The following UBE4B variants were observed in gnomAD, a reference collection of about 807,000 sequenced individuals.
UBE4B encodes ubiquitin conjugation factor E4 B.
UBE4B carries 27 observed loss-of-function variants against 148.1 expected under a neutral mutation model. The observed-to-expected ratio is 0.18, with a 90% confidence interval of 0.13 to 0.25. The LOEUF (loss-of-function observed/expected upper bound fraction) is 0.25. Ranked by LOEUF, UBE4B falls within the 10% of genes least tolerant of loss-of-function variation. The probability of loss-of-function intolerance (pLI) is 1.00; values close to 1 mark genes in which losing one functional copy is unlikely to be tolerated. For missense variants in UBE4B, 1,170 were observed against 1,662.4 expected (o/e 0.70, Z 5.15); for synonymous variants, 596 against 619.3 (o/e 0.96, Z 0.56).
At chr1:10,111,956 CAAA>C (rs56777705) in intron 7 of UBE4B, among the ~76,000 whole-genome samples, 3 of 123,212 alleles carry the variant, frequency 2.4e-5, no homozygotes, top group Admixed American at 1.7e-4. Context: ...GACTCTGTCT[CAAA>C]AAAAAAAAAA....
chr1:10,159,286 G>A (rs1361089403), intron 22 of UBE4B, among the ~76,000 whole-genome samples: 1 of 152,116 alleles, frequency 6.6e-6, no homozygotes, highest in African/African-American at 2.4e-5. Context: ...CTTAAACCTG[G>A]ACATTAGTAA....
chr1:10,092,471 C>T (rs1163673808), intron 2 of UBE4B, among the ~76,000 whole-genome samples: 2 of 151,772 alleles, frequency 1.3e-5, no homozygotes, highest in African/African-American at 2.4e-5. Flanking sequence ...GATCCGCCCG[C>T]CTCAGCTCCC....
intron 1 of UBE4B, among the ~76,000 whole-genome samples, chr1:10,060,462 G>A (rs1013665243): frequency 2.0e-5 from 3 of 152,210 alleles, no homozygotes; most frequent in African/African-American, 7.2e-5. Flanking sequence ...AGTAAGATCT[G>A]GTGATCTGAC....
chr1:10,161,371 T>C lies in UBE4B; in HGVS notation c.3198+85T>C. The C allele has an allele frequency of 6.7e-7, 1 of 1,495,920 alleles. No individual in the cohort carries two copies. The highest frequency in any genetic ancestry group is 9.1e-7 in the Non-Finnish European group (1 of 1,104,746). 92.7% of individuals were successfully genotyped at this position (1,495,920 alleles called of 1,614,324 possible). Reference sequence around the variant, plus strand: ...CAGAGCTGCTTTGGGGCTGCATTTGTGGGTCTGATGATATGCGATCTGACA... The same window carrying C: ...CAGAGCTGCTTTGGGGCTGCATTTGCGGGTCTGATGATATGCGATCTGACA... On this transcript the variant is annotated intron_variant, in intron 23 of 27. Coordinates refer to ENST00000343090, the MANE Select transcript of UBE4B (RefSeq NM_001105562.3). The surrounding 1 kb of genome is among the most constrained non-coding windows in gnomAD (Gnocchi z 4.1).
At chr1:10,129,279 T>G in intron 11 of UBE4B, 113 bp from the exon 12 acceptor site, 1 of 836,422 alleles carries the variant, frequency 1.2e-6, no homozygotes, top group Non-Finnish European at 1.9e-6. Flanking sequence ...AATGCATGTG[T>G]GCCATTTTAG....
intron 21 of UBE4B, among the ~76,000 whole-genome samples, chr1:10,152,730 A>G (rs1177996849): frequency 6.6e-6 from 1 of 152,038 alleles, no homozygotes; most frequent in Admixed American, 6.6e-5. Flanking sequence ...CCTAGGAGGC[A>G]GAGGTTGCAT....
intron 2 of UBE4B, chr1:10,072,574 C>A: frequency 1.4e-6 from 1 of 691,824 alleles, no homozygotes; most frequent in South Asian, 1.6e-5. Context: ...AAATAATGGT[C>A]AAAATGAACA....
intron 1 of UBE4B, among the ~76,000 whole-genome samples, chr1:10,035,248 C>T (rs931430321): frequency 6.6e-6 from 1 of 151,956 alleles, no homozygotes; most frequent in African/African-American, 2.4e-5. Context: ...GCACCCGCCT[C>T]AGCCTCCCAA....
At chr1:10,042,094 C>G (rs1643793317) in intron 1 of UBE4B, among the ~76,000 whole-genome samples, 1 of 152,110 alleles carries the variant, frequency 6.6e-6, no homozygotes, top group Admixed American at 6.6e-5. Context: ...GCCGCCAGGC[C>G]CAGCCCTCCA....
rs144335241 is a variant in UBE4B, at chr1:10,124,480, G to A, written c.1555-2314G>A. On this transcript the variant is annotated intron_variant, in intron 10 of 27. Transcript: ENST00000343090. Reference sequence around the variant, plus strand: ...TGGGATTACAAGTGTGAACCACAGCGCCTGGCCCAGACCTGTTTGTTTTTA... The same window carrying A: ...TGGGATTACAAGTGTGAACCACAGCACCTGGCCCAGACCTGTTTGTTTTTA... Among the ~76,000 whole-genome samples, 322 of 152,284 alleles carry A rather than the reference G, an allele frequency of 2.1e-3. 1 individual carries two copies. The highest frequency in any genetic ancestry group is 0.014 in the Middle Eastern group (4 of 294).
intron 17 of UBE4B, among the ~76,000 whole-genome samples, chr1:10,141,902 T>C (rs555724117): frequency 2.0e-5 from 3 of 152,186 alleles, no homozygotes; most frequent in Non-Finnish European, 4.4e-5. Flanking sequence ...AACTTTCAGA[T>C]AAGAGGTCCA....
intron 2 of UBE4B, among the ~76,000 whole-genome samples, chr1:10,090,778 T>G (rs1006415860): frequency 6.7e-6 from 1 of 148,744 alleles, no homozygotes; most frequent in East Asian, 2.0e-4. Context: ...CGGTGGAATT[T>G]AGAAGCCTAT....
intron 25 of UBE4B, 41 bp downstream of exon 25, chr1:10,171,370 G>C (rs1221884375): frequency 1.3e-6 from 2 of 1,593,838 alleles, no homozygotes; most frequent in African/African-American, 2.7e-5. Flanking sequence ...TTTACTGGCA[G>C]ATTTGGAGAT....
chr1:10,105,181 C>T (rs750242742), intron 5 of UBE4B, among the ~76,000 whole-genome samples: 9 of 152,122 alleles, frequency 5.9e-5, no homozygotes, highest in Admixed American at 1.3e-4. Flanking sequence ...TATACATCAG[C>T]GGTAACTCTC....
chr1:10,044,178 T>G (rs1643871196), intron 1 of UBE4B, among the ~76,000 whole-genome samples: 1 of 152,056 alleles, frequency 6.6e-6, no homozygotes, highest in South Asian at 2.1e-4. Context: ...CCCGAGTAGC[T>G]GGGATTATAG....
chr1:10,172,512 A>C (rs1046749511), intron 25 of UBE4B, among the ~76,000 whole-genome samples: 1 of 152,156 alleles, frequency 6.6e-6, no homozygotes. Flanking sequence ...CCATATCCTC[A>C]GTCTCTCTGC....
intron 1 of UBE4B, among the ~76,000 whole-genome samples, chr1:10,066,009 A>T (rs1282780622): frequency 1.3e-5 from 2 of 151,332 alleles, no homozygotes; most frequent in South Asian, 2.1e-4. Context: ...TGAATATAAC[A>T]TATATCATTG....
chr1:10,118,422 C>T (rs1645351519), intron 8 of UBE4B, among the ~76,000 whole-genome samples: 1 of 152,110 alleles, frequency 6.6e-6, no homozygotes. Context: ...ACTGCAACCT[C>T]CACCTCCTAG....
At chr1:10,099,277 G>A (rs2101881523) in intron 3 of UBE4B, among the ~76,000 whole-genome samples, 1 of 152,056 alleles carries the variant, frequency 6.6e-6, no homozygotes, top group South Asian at 2.1e-4. Context: ...AACTTTCTAT[G>A]TATAAATAAA....
Sources: allele counts gnomAD v4.1 joint callset (sites outside exome capture counted in the v4.1 genomes callset), GRCh38; gene constraint gnomAD v4.1.1; non-coding constraint Gnocchi (gnomAD v3.1); transcripts MANE v1.5; gene names NCBI Gene and HGNC (gene_info 2026-07-23, HGNC 2026-07-21).